EXOC5: variants seen among roughly 807,000 people sequenced by gnomAD.
EXOC5 encodes the protein exocyst complex component 5, also known as SEC10-like 1.
EXOC5 carries 17 observed loss-of-function variants against 90.8 expected under a neutral mutation model. That is an observed-to-expected ratio of 0.19 (90% confidence interval 0.13 to 0.28). The LOEUF is 0.28. Ranked by LOEUF, EXOC5 falls within the 10% of genes least tolerant of loss-of-function variation. The pLI, the probability that EXOC5 is intolerant of heterozygous loss-of-function variation, is 1.00. For synonymous variants in EXOC5, 260 were observed against 270.0 expected (o/e 0.96, Z 0.36); for missense variants, 569 against 830.6 (o/e 0.69, Z 3.87).
intron 12 of EXOC5, among the ~76,000 whole-genome samples, chr14:57,223,068 A>G (rs1330713914): frequency 6.6e-6 from 1 of 152,068 alleles, no homozygotes; most frequent in East Asian, 1.9e-4. Context: ...CAATTTCTTC[A>G]TTTGTAAGAT....
At position 57,233,671 on chromosome 14, in the gene EXOC5, T is replaced by C. The variant is rs192928924; in HGVS notation, c.855+72A>G. 1.0e-5 allele frequency: 10 copies of C among 953,994 alleles called. No individual in the cohort carries two copies. The Admixed American group carries it at 2.6e-4, about 24-fold the overall frequency. The allele number at this position is 953,994 out of a possible 1,614,324, so 59.1% of individuals were successfully genotyped here. On this transcript the variant is annotated intron_variant, in intron 9 of 17. Transcript: ENST00000621441. ...ACATAAGTAAACTAAATTTTAAAAATACTTTTAAAATATAGGGAAAAAATT... is the reference window on the plus strand; with the variant it reads ...ACATAAGTAAACTAAATTTTAAAAACACTTTTAAAATATAGGGAAAAAATT...
intron 1 of EXOC5, among the ~76,000 whole-genome samples, chr14:57,251,650 GA>G (rs892023515): frequency 6.7e-5 from 10 of 148,274 alleles, no homozygotes; most frequent in Non-Finnish European, 4.5e-5. Flanking sequence ...TAAGTAACAA[GA>G]AAAAAAAGAA....
chr14:57,209,305 C>T (rs1317697793), intron 17 of EXOC5, among the ~76,000 whole-genome samples: 2 of 151,580 alleles, frequency 1.3e-5, no homozygotes, highest in African/African-American at 4.9e-5. Context: ...GGCAGCAGAT[C>T]ACTTGAGCCC....
rs976054285 is a variant in EXOC5 at position 57,205,370 on chromosome 14, T to C, written c.*3239A>G. ...TTGAATGAAAGCACAAAATGCTTTGTATGTAAAATTCAACAATATATGGGT... is the reference window on the plus strand; with the variant it reads ...TTGAATGAAAGCACAAAATGCTTTGCATGTAAAATTCAACAATATATGGGT... On this transcript the variant is annotated 3_prime_UTR_variant, in exon 18 of 18. Transcript: ENST00000621441. 6.5e-6 allele frequency: 1 copy of C among 153,972 alleles called. No individual in the cohort carries two copies. Among genetic ancestry groups the C allele is most frequent in the African/African-American group, 2.4e-5 (1 of 41,460 alleles). 9.5% of individuals were successfully genotyped at this position (153,972 alleles called of 1,614,324 possible). A position where few individuals can be genotyped will look rare whatever the true frequency, so the allele number is the denominator to read the frequency against.
intron 5 of EXOC5, 114 bp from the exon 6 acceptor site, chr14:57,237,480 C>G: frequency 1.6e-6 from 1 of 612,372 alleles, no homozygotes; most frequent in Non-Finnish European, 2.9e-6. Context: ...ACCATCTGTA[C>G]TATCTTTGCA....
intron 3 of EXOC5, among the ~76,000 whole-genome samples, chr14:57,244,637 C>A (rs1566501536): frequency 6.6e-6 from 1 of 152,072 alleles, no homozygotes; most frequent in East Asian, 1.9e-4. Flanking sequence ...TAAAAAAACA[C>A]TCAACACCAT....
intron 15 of EXOC5, among the ~76,000 whole-genome samples, chr14:57,211,872 A>C (rs1882838463): frequency 6.6e-6 from 1 of 152,128 alleles, no homozygotes. Flanking sequence ...CTCCAAAAAA[A>C]AAGTGTTCTG....
rs868005639 is a variant in EXOC5, at chr14:57,235,730, G to T, written c.650C>A (p.Ala217Glu). ...ATTTACCTTAAAATGAAGTAAAACT[G>T]CTGCTACTTCTCTCATTCTGGAGAT... ...GEISRMREVA[A>E]VLLHFKGYSH... Residue 217 changes from alanine (A) to glutamate (E), a missense_variant, in exon 7 of 18, where the codon GCA (alanine) becomes GAA (glutamate). By Grantham distance (107) the Ala-to-Glu change is moderately radical. Coordinates refer to ENST00000621441, the MANE Select transcript of EXOC5 (RefSeq NM_006544.4). 4 of 1,530,752 alleles carry T rather than the reference G, an allele frequency of 2.6e-6. No individual in the cohort carries two copies. Among genetic ancestry groups the T allele is most frequent in the Non-Finnish European group, 3.6e-6 (4 of 1,126,514 alleles). The allele number at this position is 1,530,752 out of a possible 1,614,324, so 94.8% of individuals were successfully genotyped here. A position where few individuals can be genotyped will look rare whatever the true frequency, so the allele number is the denominator to read the frequency against.
chr14:57,216,279 G>GAAA (rs75662960), intron 15 of EXOC5, among the ~76,000 whole-genome samples: 2,309 of 133,560 alleles, frequency 0.017, 65 homozygotes, highest in African/African-American at 0.054. Flanking sequence ...CACAGAAATA[G>GAAA]AAAAAAAAAA....
intron 1 of EXOC5, among the ~76,000 whole-genome samples, chr14:57,250,836 A>C (rs1376430801): frequency 6.6e-6 from 1 of 152,102 alleles, no homozygotes; most frequent in Non-Finnish European, 1.5e-5. Context: ...TGCTACCCTT[A>C]AGAATATAAA....
rs1024457548 is a variant in EXOC5, at chr14:57,204,881, T to C, written c.*3728A>G. The C allele has an allele frequency of 1.3e-5, 2 of 152,300 alleles. No homozygotes were observed. The highest frequency in any genetic ancestry group is 2.9e-5 in the Non-Finnish European group (2 of 67,894). The allele number at this position is 152,300 out of a possible 1,614,324, so 9.4% of individuals were successfully genotyped here. A position where few individuals can be genotyped will look rare whatever the true frequency, so the allele number is the denominator to read the frequency against. On this transcript the variant is annotated 3_prime_UTR_variant, in exon 18 of 18. Transcript: ENST00000621441. ...AATATAAATACTACAATAAGAATCA[T>C]ATTGGAAGCAACGATTAAGCAAAAC...
At chr14:57,222,280 A>T in intron 13 of EXOC5, 28 bp downstream of exon 13, 1 of 1,099,036 alleles carries the variant, frequency 9.1e-7, no homozygotes, top group Non-Finnish European at 1.3e-6. Context: ...AAAAGAATTT[A>T]ACACAAGTGT....
chr14:57,235,481 CAATT>C (rs930079840), intron 7 of EXOC5, among the ~76,000 whole-genome samples: 8 of 151,688 alleles, frequency 5.3e-5, no homozygotes, highest in Admixed American at 2.0e-4. Flanking sequence ...TTTAATTGAT[CAATT>C]AATTTTAATT....
At chr14:57,249,415 G>A (rs1884123391) in intron 1 of EXOC5, among the ~76,000 whole-genome samples, 1 of 141,356 alleles carries the variant, frequency 7.1e-6, no homozygotes, top group South Asian at 2.1e-4. Flanking sequence ...ACGTTATACT[G>A]TTCATCAATT....
intron 15 of EXOC5, among the ~76,000 whole-genome samples, chr14:57,217,443 T>G (rs1459010533): frequency 2.0e-5 from 3 of 152,172 alleles, no homozygotes. Flanking sequence ...ATTTCAAACT[T>G]TTTCATTACT....
intron 4 of EXOC5, 94 bp downstream of exon 4, chr14:57,244,071 T>G (rs947204818): frequency 7.6e-6 from 6 of 784,704 alleles, no homozygotes; most frequent in Non-Finnish European, 1.3e-5. Flanking sequence ...ACTCAGTGAT[T>G]TGAAGTCTAA....
chr14:57,264,110 G>A (rs1884598353), intron 1 of EXOC5, among the ~76,000 whole-genome samples: 1 of 152,186 alleles, frequency 6.6e-6, no homozygotes, highest in Non-Finnish European at 1.5e-5. Context: ...TACCTGGAAT[G>A]TCTGGCCTAC....
chr14:57,246,704 C>T lies in EXOC5; in HGVS notation c.270+7G>A, dbSNP rs2038860. 136,621 of 1,606,914 alleles carry T rather than the reference C, an allele frequency of 0.085. 22,290 individuals carry two copies. The highest frequency in any genetic ancestry group is 0.72 in the African/African-American group (53,457 of 74,434). On this transcript the variant is annotated splice_region_variant and intron_variant, in intron 3 of 17. Coordinates refer to ENST00000621441, the MANE Select transcript of EXOC5 (RefSeq NM_006544.4). ...ATAAAATACCCATTTCTTAACAAAA[C>T]GTTTACCTGATTGCTTTTCTGCAGC... is the stretch of plus-strand genomic sequence containing the variant.
chr14:57,242,371 A>C (rs962687196), intron 4 of EXOC5, among the ~76,000 whole-genome samples: 15 of 151,318 alleles, frequency 9.9e-5, no homozygotes, highest in African/African-American at 2.9e-4. Flanking sequence ...CAGCCTCCTG[A>C]GTGCTAGGAT....
Sources: gnomAD v4.1 joint callset for allele counts (sites outside exome capture counted in the v4.1 genomes callset) on GRCh38, gnomAD v4.1.1 for gene constraint, MANE v1.5 for transcripts, NCBI Gene and HGNC (gene_info 2026-07-23, HGNC 2026-07-21) for gene names.